GPHN: variants seen among roughly 807,000 people sequenced by gnomAD.
The protein encoded by GPHN is gephyrin.
Under a neutral mutation model 95.5 loss-of-function variants are expected in GPHN, and 17 were observed. The observed-to-expected ratio is 0.18, with a 90% CI of 0.12 to 0.27. The LOEUF is 0.27. Ranked by LOEUF, GPHN falls within the 10% of genes least tolerant of loss-of-function variation. GPHN has a pLI of 1.00. For synonymous variants in GPHN, 320 were observed against 322.5 expected, an observed-to-expected ratio of 0.99 and a Z score of 0.08; for missense variants, 660 against 978.1, an observed-to-expected ratio of 0.67 and a Z score of 4.34.
chr14:66,656,430 G>A (rs189593511), intron 1 of GPHN, among the ~76,000 whole-genome samples: 21 of 152,200 alleles, frequency 1.4e-4, no homozygotes, highest in Admixed American at 1.0e-3. Flanking sequence ...CTACAGAGTC[G>A]GTAGTGATAT....
At chr14:67,327,988 G>T in the GPHN span, among the ~76,000 whole-genome samples, 1 of 152,174 alleles carries the variant, frequency 6.6e-6, no homozygotes, top group Non-Finnish European at 1.5e-5. Flanking sequence ...AATCCTTTGG[G>T]TATATACCCA....
intron 1 of GPHN, among the ~76,000 whole-genome samples, chr14:66,536,659 T>C (rs1430890581): frequency 6.6e-6 from 1 of 152,212 alleles, no homozygotes; most frequent in African/African-American, 2.4e-5. Context: ...GGGAAGTCTC[T>C]CTCTTTTTTA....
At chr14:66,633,088 T>C (rs1377004341) in intron 1 of GPHN, among the ~76,000 whole-genome samples, 1 of 152,208 alleles carries the variant, frequency 6.6e-6, no homozygotes, top group Non-Finnish European at 1.5e-5. Flanking sequence ...GTAGTTCTTA[T>C]ATTACTGTCT....
At chr14:66,930,552 G>T (rs1037793922) in intron 8 of GPHN, among the ~76,000 whole-genome samples, 10 of 146,728 alleles carry the variant, frequency 6.8e-5, no homozygotes, top group Non-Finnish European at 4.5e-5. Flanking sequence ...TTGAGACAGG[G>T]TCTCACTGTG....
the GPHN span, chr14:67,208,106 G>A: frequency 2.2e-5 from 34 of 1,522,366 alleles, no homozygotes; most frequent in East Asian, 5.4e-4. Context: ...CAGTGACGAT[G>A]AATGAAATGG....
chr14:67,332,919 C>G, the GPHN span: 2 of 1,613,496 alleles, frequency 1.2e-6, no homozygotes, highest in Non-Finnish European at 1.7e-6. Flanking sequence ...AAACTTGATA[C>G]TGAACCTCAG....
At chr14:67,226,218 A>C in the GPHN span, among the ~76,000 whole-genome samples, 1 of 151,820 alleles carries the variant, frequency 6.6e-6, no homozygotes, top group Non-Finnish European at 1.5e-5. Context: ...TTGAGACTGA[A>C]TCTTGCTCTG....
At chr14:67,731,448 C>G in the GPHN span, among the ~76,000 whole-genome samples, 2 of 151,932 alleles carry the variant, frequency 1.3e-5, no homozygotes, top group African/African-American at 4.8e-5. Flanking sequence ...CTCCTGACCT[C>G]AAGTGATCCG....
chr14:67,185,912 T>G (rs1368442458), downstream of GPHN, among the ~76,000 whole-genome samples: 1 of 152,202 alleles, frequency 6.6e-6, no homozygotes, highest in Non-Finnish European at 1.5e-5. Flanking sequence ...ATAAACTGTA[T>G]GTCTTGTATT....
chr14:67,329,277 TTGTC>T, the GPHN span, among the ~76,000 whole-genome samples: 3 of 151,798 alleles, frequency 2.0e-5, no homozygotes, highest in South Asian at 2.1e-4. Flanking sequence ...GGCTCTCTCT[TTGTC>T]TGTTATTGAT....
the GPHN span, among the ~76,000 whole-genome samples, chr14:67,503,752 G>GGAGTACAGTCGTGCGATCTCA: frequency 6.6e-6 from 1 of 151,944 alleles, no homozygotes; most frequent in African/African-American, 2.4e-5. Context: ...CACCCAGGCT[G>GGAGTACAGTCGTGCGATCTCA]GAGTACAGTC....
At chr14:67,664,546 G>A in the GPHN span, among the ~76,000 whole-genome samples, 1 of 151,640 alleles carries the variant, frequency 6.6e-6, no homozygotes, top group East Asian at 1.9e-4. Flanking sequence ...TCCCAGGCTG[G>A]AGTGCAGTGG....
chr14:67,720,146 T>G, the GPHN span, among the ~76,000 whole-genome samples: 1 of 152,250 alleles, frequency 6.6e-6, no homozygotes, highest in Non-Finnish European at 1.5e-5. Flanking sequence ...TGGCTCCCAG[T>G]ATAATTTTAA....
chr14:66,545,221 C>T (rs1355088925), intron 1 of GPHN, among the ~76,000 whole-genome samples: 5 of 149,576 alleles, frequency 3.3e-5, no homozygotes, highest in Non-Finnish European at 7.5e-5. Context: ...ACCCCCCCAC[C>T]TCCCTCCCGG....
At chr14:67,259,170 T>G in the GPHN span, among the ~76,000 whole-genome samples, 3 of 152,002 alleles carry the variant, frequency 2.0e-5, no homozygotes, top group East Asian at 5.8e-4. Flanking sequence ...TTGTCATAAA[T>G]GGTACCCTGA....
At chr14:67,509,509 G>A in the GPHN span, among the ~76,000 whole-genome samples, 5 of 152,178 alleles carry the variant, frequency 3.3e-5, no homozygotes, top group African/African-American at 1.2e-4. Flanking sequence ...AGTAGAGATG[G>A]GGTTTCACCA....
intron 11 of GPHN, among the ~76,000 whole-genome samples, chr14:67,063,270 T>C (rs2075897707): frequency 2.6e-5 from 4 of 152,192 alleles, no homozygotes; most frequent in African/African-American, 9.6e-5. Context: ...CTGAGGCCTC[T>C]GTTCTGTTCC....
intron 2 of GPHN, among the ~76,000 whole-genome samples, chr14:66,766,131 T>C (rs1285135465): frequency 6.6e-6 from 1 of 152,198 alleles, no homozygotes; most frequent in Non-Finnish European, 1.5e-5. Flanking sequence ...ATTCCTAGTG[T>C]GGAAGACTGG....
At chr14:66,809,766 T>C (rs942688527) in intron 3 of GPHN, among the ~76,000 whole-genome samples, 5 of 152,182 alleles carry the variant, frequency 3.3e-5, no homozygotes, top group Non-Finnish European at 7.4e-5. Flanking sequence ...TATGCTTTAC[T>C]GTGTTATTCT....
Sources: gnomAD v4.1 joint callset for allele counts (sites outside exome capture counted in the v4.1 genomes callset) on GRCh38, gnomAD v4.1.1 for gene constraint, MANE v1.5 for transcripts, NCBI Gene and HGNC (gene_info 2026-07-23, HGNC 2026-07-21) for gene names.